The following PPM1L variants were observed in gnomAD, a reference collection of about 807,000 sequenced individuals.
PPM1L encodes protein phosphatase, Mg2+/Mn2+ dependent 1L, also known as protein phosphatase 1L.
Under a neutral mutation model 31.4 loss-of-function variants are expected in PPM1L, and 13 were observed. The ratio of observed to expected loss-of-function variants is 0.41; its 90% CI spans 0.27 to 0.66. PPM1L has a LOEUF of 0.66. Among genes scored for constraint, PPM1L ranks in the 30% least tolerant of loss-of-function variants. The pLI is 0.29. For missense variants in PPM1L, 326 were observed against 453.7 expected (o/e 0.72, Z 2.56); for synonymous variants, 184 against 175.4 (o/e 1.05, Z -0.39).
intron 1 of PPM1L, among the ~76,000 whole-genome samples, chr3:160,942,307 C>T (rs964412820): frequency 2.6e-5 from 4 of 152,040 alleles, no homozygotes; most frequent in Non-Finnish European, 5.9e-5. Flanking sequence ...ATTGCCTAGG[C>T]TGGTTTCAAA....
At chr3:160,953,598 C>T (rs1204077498) in intron 1 of PPM1L, among the ~76,000 whole-genome samples, 1 of 152,124 alleles carries the variant, frequency 6.6e-6, no homozygotes, top group Non-Finnish European at 1.5e-5. Context: ...TGATCTTTTT[C>T]TAATGGCGGT....
At chr3:160,768,812 C>T (rs1715175950) in intron 1 of PPM1L, among the ~76,000 whole-genome samples, 2 of 152,158 alleles carry the variant, frequency 1.3e-5, no homozygotes, top group African/African-American at 4.8e-5. Flanking sequence ...GTTATTATCT[C>T]ACATAACAAA....
Position 160,816,478 on chromosome 3 carries a change from G to GTT in PPM1L, c.399+59784_399+59785dup, listed in dbSNP as rs5853903. 8.4e-4 allele frequency among the ~76,000 whole-genome samples: 122 copies of GTT among 145,822 alleles called. 2 individuals are homozygous for GTT. In the South Asian group the frequency reaches 9.5e-3, roughly 11 times the overall value. On this transcript the variant is annotated intron_variant, in intron 1 of 3. Coordinates refer to ENST00000498165, the MANE Select transcript of PPM1L (RefSeq NM_139245.4). ...GTGAGATTTAAGAAAGACAGAGTCT[G>GTT]TTTTTTTTTTTTTTAACCCAGCTAA...
At chr3:160,844,178 G>A (rs1239951357) in intron 1 of PPM1L, among the ~76,000 whole-genome samples, 1 of 152,128 alleles carries the variant, frequency 6.6e-6, no homozygotes, top group Admixed American at 6.5e-5. Context: ...GAATTCCATG[G>A]GTAGAACTTA....
intron 1 of PPM1L, among the ~76,000 whole-genome samples, chr3:160,798,781 A>G (rs1712337614): frequency 6.6e-6 from 1 of 152,234 alleles, no homozygotes; most frequent in South Asian, 2.1e-4. Flanking sequence ...TTTAGGAAAT[A>G]CATTTTGTAA....
intron 1 of PPM1L, among the ~76,000 whole-genome samples, chr3:160,848,907 C>T (rs1400154015): frequency 6.6e-6 from 1 of 152,066 alleles, no homozygotes; most frequent in Non-Finnish European, 1.5e-5. Context: ...CTTTACTTTC[C>T]CCTTCAAATT....
At chr3:160,963,921 G>T (rs1716052268) in intron 2 of PPM1L, among the ~76,000 whole-genome samples, 1 of 151,950 alleles carries the variant, frequency 6.6e-6, no homozygotes, top group South Asian at 2.1e-4. Context: ...AGAGTTAGAG[G>T]ATCTAAGGTC....
intron 1 of PPM1L, among the ~76,000 whole-genome samples, chr3:160,879,920 G>A (rs1452435419): frequency 2.6e-5 from 4 of 152,142 alleles, no homozygotes; most frequent in African/African-American, 9.7e-5. Context: ...CAGTATGATT[G>A]CCGTGTGTTG....
chr3:160,998,741 C>A (rs1011024051), intron 2 of PPM1L, among the ~76,000 whole-genome samples: 28 of 152,248 alleles, frequency 1.8e-4, no homozygotes, highest in African/African-American at 5.8e-4. Flanking sequence ...TAAATATTGA[C>A]CATTAAGTTA....
At chr3:160,972,420 T>A (rs1172211298) in intron 2 of PPM1L, among the ~76,000 whole-genome samples, 4 of 147,148 alleles carry the variant, frequency 2.7e-5, no homozygotes, top group South Asian at 2.2e-4. Context: ...TCATTGTTCA[T>A]TTCCCACCTA....
chr3:160,831,708 G>A (rs1713531836), intron 1 of PPM1L, among the ~76,000 whole-genome samples: 1 of 152,180 alleles, frequency 6.6e-6, no homozygotes. Flanking sequence ...TTCAGGATTT[G>A]TGTGAAACTG....
intron 1 of PPM1L, among the ~76,000 whole-genome samples, chr3:160,785,699 T>C (rs1711889857): frequency 6.6e-6 from 1 of 152,240 alleles, no homozygotes; most frequent in African/African-American, 2.4e-5. Context: ...GCATTCCTTT[T>C]ACTGGCTGCT....
intron 2 of PPM1L, among the ~76,000 whole-genome samples, chr3:161,050,271 AAAC>A (rs1719230054): frequency 6.6e-6 from 1 of 152,328 alleles, no homozygotes; most frequent in Admixed American, 6.5e-5. Flanking sequence ...GAGGAAAATC[AAAC>A]AACTATCAAA....
At chr3:160,875,552 C>T (rs139042123) in intron 1 of PPM1L, among the ~76,000 whole-genome samples, 1 of 152,190 alleles carries the variant, frequency 6.6e-6, no homozygotes, top group East Asian at 1.9e-4. Flanking sequence ...TGATATTCCA[C>T]CTAATAAGGG....
intron 1 of PPM1L, among the ~76,000 whole-genome samples, chr3:160,839,459 C>T (rs78634528): frequency 2.4e-3 from 365 of 152,100 alleles, no homozygotes; most frequent in African/African-American, 8.6e-3. Context: ...TTACCCACCA[C>T]TCTTATGGTT....
intron 1 of PPM1L, among the ~76,000 whole-genome samples, chr3:160,829,549 A>T (rs1713457509): frequency 6.6e-6 from 1 of 152,150 alleles, no homozygotes; most frequent in Non-Finnish European, 1.5e-5. Flanking sequence ...CATGTTTTTG[A>T]GTGGACATCA....
At chr3:161,048,604 C>G (rs1400438731) in intron 2 of PPM1L, among the ~76,000 whole-genome samples, 1 of 152,128 alleles carries the variant, frequency 6.6e-6, no homozygotes, top group Non-Finnish European at 1.5e-5. Context: ...GATTATATAT[C>G]ATGCTGCTGT....
intron 2 of PPM1L, among the ~76,000 whole-genome samples, chr3:160,973,764 G>GTTTTTTTTTTTTTTTTTTTTT (rs75599237): frequency 2.3e-4 from 20 of 88,476 alleles, no homozygotes; most frequent in South Asian, 3.7e-4. Context: ...GAAAGGCCCT[G>GTTTTTTTTTTTTTTTTTTTTT]TTTTTTTTTT....
At chr3:160,860,502 T>G (rs1711850186) in intron 1 of PPM1L, among the ~76,000 whole-genome samples, 1 of 152,080 alleles carries the variant, frequency 6.6e-6, no homozygotes, top group African/African-American at 2.4e-5. Context: ...AGGAAGCAGA[T>G]GGTAAGGGAC....
Sources: allele counts gnomAD v4.1 joint callset (sites outside exome capture counted in the v4.1 genomes callset), GRCh38; gene constraint gnomAD v4.1.1; transcripts MANE v1.5; gene names NCBI Gene and HGNC (gene_info 2026-07-23, HGNC 2026-07-21).